Variants in CSF2RA observed in about 807,000 individuals in gnomAD.
The protein encoded by CSF2RA is colony stimulating factor 2 receptor subunit alpha, also known as granulocyte-macrophage colony-stimulating factor receptor subunit alpha.
Under a neutral mutation model 51.6 loss-of-function variants are expected in CSF2RA, and 42 were observed. That is an observed-to-expected ratio of 0.81 (90% CI 0.64 to 1.05). The LOEUF is 1.05. Among genes scored for constraint, CSF2RA ranks in the 50% least tolerant of loss-of-function variants. The pLI, the probability that CSF2RA is intolerant of heterozygous loss-of-function variation, is 0.00. For synonymous variants in CSF2RA, 222 were observed against 193.0 expected (o/e 1.15, Z -1.24); for missense variants, 530 against 501.1 (o/e 1.06, Z -0.55).
downstream of CSF2RA, among the ~76,000 whole-genome samples, chrX:1,315,019 A>ACC (rs1223699829): frequency 4.8e-4 from 64 of 133,658 alleles, 5 homozygotes; most frequent in South Asian, 2.3e-3. Context: ...CACCTGCCCA[A>ACC]CCACACTGCA....
intron 12 of CSF2RA, among the ~76,000 whole-genome samples, chrX:1,307,592 C>A (rs773896435): frequency 7.9e-5 from 12 of 152,102 alleles, no homozygotes; most frequent in African/African-American, 2.4e-4. Flanking sequence ...CACCCTTCCC[C>A]CTTCAGCCTT....
In CSF2RA at chrX:1,282,789, G is replaced by A. The variant is rs1427921835; in HGVS notation, c.76+10G>A. On this transcript the variant is annotated intron_variant, in intron 3 of 12. Coordinates refer to ENST00000381529, the MANE Select transcript of CSF2RA (RefSeq NM_172245.4). ...ATCCCAGAGAAATCGGGTAAGTATG[G>A]AAACCTGGCTGAACCTTCTCCGCGG... 6.2e-7 allele frequency: 1 copy of A among 1,611,896 alleles called. No homozygotes were observed. Among genetic ancestry groups the A allele is most frequent in the East Asian group, 2.2e-5 (1 of 44,888 alleles).
At chrX:1,269,088 A>G (rs1302098579) in intron 1 of CSF2RA, among the ~76,000 whole-genome samples, 3 of 152,088 alleles carry the variant, frequency 2.0e-5, no homozygotes, top group Non-Finnish European at 4.4e-5. Context: ...TGTTATATGC[A>G]GGTTTTTAAA....
chrX:1,304,156 C>T (rs2083295470), intron 11 of CSF2RA, 137 bp downstream of exon 11: 2 of 780,306 alleles, frequency 2.6e-6, no homozygotes, highest in Non-Finnish European at 4.5e-6. Context: ...TGCCTGTAAT[C>T]CCAGCACTCT....
At chrX:1,318,796 A>T in the CSF2RA span, among the ~76,000 whole-genome samples, 1 of 149,658 alleles carries the variant, frequency 6.7e-6, no homozygotes, top group Non-Finnish European at 1.5e-5. Context: ...GGGCACCTGT[A>T]ATCCCAGCTA....
chrX:1,311,684 G>T (rs1415390313), downstream of CSF2RA, among the ~76,000 whole-genome samples: 1 of 151,974 alleles, frequency 6.6e-6, no homozygotes, highest in African/African-American at 2.4e-5. Context: ...CTCGTGATCC[G>T]CCCCCCTTGG....
intron 7 of CSF2RA, among the ~76,000 whole-genome samples, chrX:1,292,922 A>G (rs1460922355): frequency 2.0e-5 from 3 of 151,762 alleles, no homozygotes; most frequent in African/African-American, 4.8e-5. Context: ...AGTGGGGGGA[A>G]CCCTCAGACA....
rs68129826 is a variant in CSF2RA at position 1,305,214 on chromosome X, A to G, written c.1044-232A>G. Among the ~76,000 whole-genome samples the G allele has an allele frequency of 0.75, 111,364 of 149,194 alleles. 41,146 individuals are homozygous for G. Among genetic ancestry groups the G allele is most frequent in the Middle Eastern group, 0.85 (240 of 284 alleles). ...TCACCACGTTGGCCAGGCTGGTCTCAAACCTCAAGTGATCCACCCGCCTCG... is the reference window on the plus strand; with the variant it reads ...TCACCACGTTGGCCAGGCTGGTCTCGAACCTCAAGTGATCCACCCGCCTCG... On this transcript the variant is annotated intron_variant, in intron 11 of 12. Transcript: ENST00000381529.
chrX:1,284,375 A>T (rs1243058278), intron 3 of CSF2RA, among the ~76,000 whole-genome samples: 2 of 47,254 alleles, frequency 4.2e-5, no homozygotes, highest in Admixed American at 2.3e-4. Flanking sequence ...GCTAATTTAA[A>T]TTTTTTTTTT....
intron 1 of CSF2RA, among the ~76,000 whole-genome samples, chrX:1,270,696 A>C (rs2088268100): frequency 1.3e-5 from 2 of 150,924 alleles, no homozygotes; most frequent in African/African-American, 2.4e-5. Flanking sequence ...GGAATGGCTG[A>C]CCTCCAGGGA....
At chrX:1,301,101 T>C (rs1164827340) in intron 10 of CSF2RA, among the ~76,000 whole-genome samples, 1 of 149,626 alleles carries the variant, frequency 6.7e-6, no homozygotes, top group Non-Finnish European at 1.5e-5. Context: ...TGCACTGAGC[T>C]GGGATCACGC....
At chrX:1,306,224 C>G (rs1377997323) in intron 12 of CSF2RA, among the ~76,000 whole-genome samples, 1 of 151,482 alleles carries the variant, frequency 6.6e-6, no homozygotes, top group Non-Finnish European at 1.5e-5. Context: ...AACAGGCAGA[C>G]AGACTGACAG....
At chrX:1,321,797 G>C in the CSF2RA span, among the ~76,000 whole-genome samples, 1 of 152,010 alleles carries the variant, frequency 6.6e-6, no homozygotes, top group African/African-American at 2.4e-5. Context: ...AGATTTTTTT[G>C]CCACACTGCT....
At chrX:1,295,037 G>A (rs2091801450) in intron 8 of CSF2RA, among the ~76,000 whole-genome samples, 1 of 148,032 alleles carries the variant, frequency 6.8e-6, no homozygotes, top group African/African-American at 2.5e-5. Flanking sequence ...TGGACCCAGT[G>A]TAGACAAGAA....
At chrX:1,322,736 G>A in the CSF2RA span, among the ~76,000 whole-genome samples, 62 of 151,916 alleles carry the variant, frequency 4.1e-4, 1 homozygote, top group Admixed American at 4.6e-4. Context: ...GTCAAAAATT[G>A]TAGTGCGTTG....
intron 10 of CSF2RA, chrX:1,302,756 C>T (rs1410533201): frequency 5.1e-5 from 16 of 311,960 alleles, no homozygotes; most frequent in Middle Eastern, 9.1e-4. Flanking sequence ...TTCAATGGCA[C>T]GATCTTGGCT....
chrX:1,322,334 G>A, the CSF2RA span, among the ~76,000 whole-genome samples: 4 of 148,854 alleles, frequency 2.7e-5, no homozygotes, highest in South Asian at 2.1e-4. Flanking sequence ...GGATGCTCTC[G>A]ATCTCCTGAC....
At chrX:1,320,443 C>A in the CSF2RA span, among the ~76,000 whole-genome samples, 1 of 151,000 alleles carries the variant, frequency 6.6e-6, no homozygotes, top group South Asian at 2.1e-4. Flanking sequence ...AAGTTTCTTT[C>A]TAGATCTGTT....
At chrX:1,317,709 G>A in the CSF2RA span, among the ~76,000 whole-genome samples, 30 of 151,700 alleles carry the variant, frequency 2.0e-4, no homozygotes, top group Admixed American at 1.2e-3. Context: ...GAAGACCCAC[G>A]CTCCCAGGGA....
Sources: allele counts gnomAD v4.1 joint callset (sites outside exome capture counted in the v4.1 genomes callset), GRCh38; gene constraint gnomAD v4.1.1; transcripts MANE v1.5; gene names NCBI Gene and HGNC (gene_info 2026-07-23, HGNC 2026-07-21).